RRAGC: variants seen among roughly 807,000 people sequenced by gnomAD.
The protein encoded by RRAGC is ras-related GTP-binding protein C.
A neutral mutation model predicts 37.1 loss-of-function variants in RRAGC; 8 were observed. The observed-to-expected ratio is 0.22, with a 90% confidence interval of 0.13 to 0.39. The LOEUF is 0.39. Ranked by LOEUF, RRAGC falls within the 10% of genes least tolerant of loss-of-function variation. The pLI is 1.00. For synonymous variants in RRAGC, 190 were observed against 181.1 expected, an observed-to-expected ratio of 1.05 and a Z score of -0.39; for missense variants, 342 against 497.6, an observed-to-expected ratio of 0.69 and a Z score of 2.98.
At chr1:38,854,775 G>A (rs1193349240) in intron 3 of RRAGC, among the ~76,000 whole-genome samples, 1 of 152,174 alleles carries the variant, frequency 6.6e-6, no homozygotes, top group African/African-American at 2.4e-5. Context: ...TGGAGCCTGA[G>A]ACCCAGAGAA....
At chr1:38,852,761 G>A (rs987592978) in intron 3 of RRAGC, 7 of 196,656 alleles carry the variant, frequency 3.6e-5, no homozygotes, top group Non-Finnish European at 5.1e-5. Flanking sequence ...CGAAGTCTTT[G>A]CAATCTGATC....
rs144209838 is a variant in RRAGC at position 38,848,909 on chromosome 1, A to G, written c.899+2706T>C. Among the ~76,000 whole-genome samples, 13 of 152,230 alleles carry G rather than the reference A, an allele frequency of 8.5e-5. 1 individual carries two copies. The East Asian group carries it at 2.3e-3, about 27-fold the overall frequency. Reference sequence around the variant, plus strand: ...CACTTTGGGAAACCAAGACAGGAGAATCACTTGAGTCCAGGAATTCAAGAC... The same window carrying G: ...CACTTTGGGAAACCAAGACAGGAGAGTCACTTGAGTCCAGGAATTCAAGAC... On this transcript the variant is annotated intron_variant, in intron 5 of 6. Coordinates refer to ENST00000373001, the MANE Select transcript of RRAGC (RefSeq NM_022157.4).
chr1:38,841,585 G>A (rs1281858918), intron 6 of RRAGC, among the ~76,000 whole-genome samples: 1 of 151,508 alleles, frequency 6.6e-6, no homozygotes, highest in Non-Finnish European at 1.5e-5. Flanking sequence ...AGCTGGTCTT[G>A]AACTCCTGAG....
At chr1:38,856,028 T>C in intron 2 of RRAGC, 121 bp from the exon 3 acceptor site, 1 of 633,810 alleles carries the variant, frequency 1.6e-6, no homozygotes, top group Admixed American at 3.0e-5. Flanking sequence ...ATCATCAATA[T>C]TCAAACATTC....
At position 38,859,398 on chromosome 1, in the gene RRAGC, A is replaced by C; in HGVS notation, c.237+12T>G. ...GGGGAGGGGGCGGGGGACTGGGCGC[A>C]GCCCTGCTCACCTTCTGGATGGAGG... On this transcript the variant is annotated intron_variant, in intron 1 of 6. Transcript: ENST00000373001. 6.5e-7 allele frequency: 1 copy of C among 1,546,388 alleles called. No homozygotes were observed. The highest frequency in any genetic ancestry group is 8.7e-7 in the Non-Finnish European group (1 of 1,145,412).
chr1:38,845,419 T>A (rs372525513), intron 6 of RRAGC, among the ~76,000 whole-genome samples: 3 of 151,970 alleles, frequency 2.0e-5, no homozygotes, highest in Admixed American at 1.3e-4. Context: ...AGTAGGGAGC[T>A]GAACAATGAG....
At chr1:38,859,264 C>A (rs1642205144) in intron 1 of RRAGC, 146 bp downstream of exon 1, 12 of 799,052 alleles carry the variant, frequency 1.5e-5, no homozygotes, top group Non-Finnish European at 2.3e-5. Context: ...CCGCGCGGGC[C>A]GCGCCTGTGC....
chr1:38,855,203 G>A (rs942539010), intron 3 of RRAGC, among the ~76,000 whole-genome samples: 1 of 152,144 alleles, frequency 6.6e-6, no homozygotes, highest in Non-Finnish European at 1.5e-5. Context: ...GTCAGTCCAG[G>A]GGGGAGGTGG....
At chr1:38,852,131 A>T (rs563440544) in intron 4 of RRAGC, among the ~76,000 whole-genome samples, 1 of 152,362 alleles carries the variant, frequency 6.6e-6, no homozygotes, top group East Asian at 1.9e-4. Flanking sequence ...GCTATCAAGA[A>T]AGGCGTTATG....
rs371602240 is a variant in RRAGC, at chr1:38,857,077, C to T, written c.243G>A (p.Val81=). Residue 81 remains valine, a synonymous_variant, in exon 2 of 7, where the codon GTG becomes GTA. Coordinates refer to ENST00000373001, the MANE Select transcript of RRAGC (RefSeq NM_022157.4). ...TCTCGTTGGGTGACATCTTATGAAA[C>T]ACCACCTGTTAAAAGAAAACAGGCA... The part of the protein sequence containing the change: ...RSGKSSIQKV[V]FHKMSPNETL... The T allele has an allele frequency of 5.0e-6, 8 of 1,609,630 alleles. No individual in the cohort carries two copies. In the African/African-American group the frequency reaches 1.1e-4, roughly 22 times the overall value.
chr1:38,857,651 G>A (rs1338897124), intron 1 of RRAGC, among the ~76,000 whole-genome samples: 1 of 152,198 alleles, frequency 6.6e-6, no homozygotes, highest in Non-Finnish European at 1.5e-5. Context: ...GAAACGTAAA[G>A]GCAATTGTTA....
Position 38,859,700 on chromosome 1 carries a change from G to C in RRAGC, c.-54C>G, listed in dbSNP as rs1642215036. The C allele has an allele frequency of 1.5e-6, 2 of 1,352,406 alleles. No homozygotes were observed. The highest frequency in any genetic ancestry group is 1.8e-5 in the South Asian group (1 of 55,958). 83.8% of individuals were successfully genotyped at this position (1,352,406 alleles called of 1,614,324 possible). A position where few individuals can be genotyped will look rare whatever the true frequency, so the allele number is the denominator to read the frequency against. On this transcript the variant is annotated 5_prime_UTR_variant, in exon 1 of 7. Coordinates refer to ENST00000373001, the MANE Select transcript of RRAGC (RefSeq NM_022157.4). ...TGACAGGCCAGGCCAGGCCGAGCCA[G>C]GCCGCCGCCTCCCCAGTCCGCCTCC...
At chr1:38,857,613 C>G (rs550164833) in intron 1 of RRAGC, among the ~76,000 whole-genome samples, 1 of 152,140 alleles carries the variant, frequency 6.6e-6, no homozygotes, top group Non-Finnish European at 1.5e-5. Context: ...CGGGGACTGA[C>G]AGGGAAAAGA....
At chr1:38,858,164 A>C (rs955750478) in intron 1 of RRAGC, among the ~76,000 whole-genome samples, 15 of 152,190 alleles carry the variant, frequency 9.9e-5, no homozygotes, top group African/African-American at 3.4e-4. Flanking sequence ...AATCAAGGTA[A>C]ATAAAACACA....
intron 6 of RRAGC, among the ~76,000 whole-genome samples, chr1:38,840,921 A>G (rs529376203): frequency 2.9e-4 from 44 of 150,854 alleles, no homozygotes; most frequent in African/African-American, 8.7e-4. Context: ...ATAAAAGACA[A>G]TCAAGGAAAT....
intron 1 of RRAGC, among the ~76,000 whole-genome samples, 187 bp from the exon 2 acceptor site, chr1:38,857,269 T>A (rs1325830483): frequency 1.3e-5 from 2 of 152,194 alleles, no homozygotes; most frequent in Non-Finnish European, 2.9e-5. Flanking sequence ...GACACCAAAT[T>A]AATTTCCATT....
At chr1:38,843,860 C>G (rs1423165564) in intron 6 of RRAGC, among the ~76,000 whole-genome samples, 3 of 152,074 alleles carry the variant, frequency 2.0e-5, no homozygotes, top group African/African-American at 7.2e-5. Context: ...ATGACACATA[C>G]TACACCCTCC....
intron 1 of RRAGC, among the ~76,000 whole-genome samples, chr1:38,858,771 G>A (rs532514903): frequency 1.3e-5 from 2 of 152,316 alleles, no homozygotes; most frequent in Admixed American, 1.3e-4. Flanking sequence ...AAAACAAACA[G>A]ACTAGGTCTG....
rs1360788313 is a variant in RRAGC at position 38,859,431 on chromosome 1, G to A, written c.216C>T (p.Ser72=). 2 of 1,548,236 alleles carry A rather than the reference G, an allele frequency of 1.3e-6. No homozygotes were observed. Among genetic ancestry groups the A allele is most frequent in the African/African-American group, 1.4e-5 (1 of 72,970 alleles). The change falls in exon 1 of 7, where the codon AGC becomes AGT. Residue 72 remains serine, a synonymous_variant. Transcript: ENST00000373001. ...PRILLMGLRR[S]GKSSIQKVVF... is the part of the protein sequence containing the mutation. ...TCACCTTCTGGATGGAGGACTTGCCGCTGCGCCGGAGTCCCATGAGCAGAA... is the reference window on the plus strand; with the variant it reads ...TCACCTTCTGGATGGAGGACTTGCCACTGCGCCGGAGTCCCATGAGCAGAA...
Sources: allele counts gnomAD v4.1 joint callset (sites outside exome capture counted in the v4.1 genomes callset), GRCh38; gene constraint gnomAD v4.1.1; transcripts MANE v1.5; gene names NCBI Gene and HGNC (gene_info 2026-07-23, HGNC 2026-07-21).